Variants in MAST4 observed in about 807,000 individuals in gnomAD.
The protein encoded by MAST4 is microtubule associated serine/threonine kinase family member 4.
MAST4 carries 89 observed loss-of-function variants against 162.7 expected under a neutral mutation model. That is an observed-to-expected ratio of 0.55 (90% CI 0.46 to 0.65). The LOEUF (loss-of-function observed/expected upper bound fraction) is 0.65. Among genes scored for constraint, MAST4 ranks in the 30% least tolerant of loss-of-function variants. MAST4 has a pLI of 0.00. For missense variants in MAST4, 3,153 were observed against 3,374.0 expected (o/e 0.93, Z 1.62); for synonymous variants, 1,479 against 1,361.1 (o/e 1.09, Z -1.91).
chr5:67,126,940 C>T (rs546739847), intron 14 of MAST4, among the ~76,000 whole-genome samples: 1 of 152,262 alleles, frequency 6.6e-6, no homozygotes, highest in East Asian at 1.9e-4. Flanking sequence ...TTGTAGTTCT[C>T]CTTGAAGAGT....
intron 1 of MAST4, among the ~76,000 whole-genome samples, chr5:66,658,891 G>T (rs2149457530): frequency 1.3e-5 from 2 of 152,240 alleles, no homozygotes; most frequent in Middle Eastern, 3.4e-3. Flanking sequence ...GCATGGTGTT[G>T]CATGCCTGTA....
At chr5:66,818,712 T>C (rs1436741122) in intron 3 of MAST4, among the ~76,000 whole-genome samples, 1 of 152,228 alleles carries the variant, frequency 6.6e-6, no homozygotes, top group Non-Finnish European at 1.5e-5. Context: ...GCCCTTGGAT[T>C]GCTGCTGCAG....
chr5:66,869,249 G>A lies in MAST4; in HGVS notation c.643-30702G>A, dbSNP rs910539409. Among the ~76,000 whole-genome samples, 35 of 152,198 alleles carry A rather than the reference G, an allele frequency of 2.3e-4. 1 individual carries two copies. On this transcript the variant is annotated intron_variant, in intron 3 of 28. Transcript: ENST00000403625. ...CTGATAAACCATTAAGTTGAAAGGA[G>A]CACTTTCACATCAAACTAAATAAAT...
chr5:66,996,299 T>C (rs913488704), intron 4 of MAST4, among the ~76,000 whole-genome samples: 1 of 152,024 alleles, frequency 6.6e-6, no homozygotes, highest in Non-Finnish European at 1.5e-5. Context: ...TATATATATA[T>C]ACTTTGTTGA....
intron 3 of MAST4, among the ~76,000 whole-genome samples, chr5:66,872,955 C>A (rs1459883708): frequency 3.3e-5 from 5 of 152,148 alleles, no homozygotes; most frequent in African/African-American, 1.2e-4. Flanking sequence ...AAATACTGTG[C>A]CTCACCATGC....
At chr5:66,618,161 C>T (rs990975529) in intron 1 of MAST4, among the ~76,000 whole-genome samples, 7 of 152,172 alleles carry the variant, frequency 4.6e-5, no homozygotes, top group South Asian at 2.1e-4. Context: ...TCTTTACTGC[C>T]GAGTGCTCTT....
At chr5:66,786,110 C>A (rs931137801) in intron 2 of MAST4, among the ~76,000 whole-genome samples, 24 of 152,302 alleles carry the variant, frequency 1.6e-4, no homozygotes, top group Non-Finnish European at 2.6e-4. Context: ...CTCGAGGGAT[C>A]CGCTCACCTC....
At chr5:67,048,511 CAA>C (rs534239441) in intron 4 of MAST4, among the ~76,000 whole-genome samples, 142 of 152,010 alleles carry the variant, frequency 9.3e-4, no homozygotes, top group African/African-American at 2.9e-3. Context: ...AAAACAGGTT[CAA>C]AGAGATTTTT....
intron 3 of MAST4, among the ~76,000 whole-genome samples, chr5:66,816,064 A>C (rs1002486602): frequency 6.6e-6 from 1 of 152,204 alleles, no homozygotes; most frequent in Non-Finnish European, 1.5e-5. Flanking sequence ...GATTGAGGAA[A>C]AGTGCCCTGC....
intron 4 of MAST4, among the ~76,000 whole-genome samples, chr5:67,032,085 A>G (rs1439890878): frequency 6.6e-6 from 1 of 152,124 alleles, no homozygotes; most frequent in Non-Finnish European, 1.5e-5. Context: ...CATTTAATCT[A>G]TAGATTCTTT....
At chr5:67,054,208 T>G (rs931189441) in intron 4 of MAST4, among the ~76,000 whole-genome samples, 196 bp from the exon 5 acceptor site, 1 of 152,322 alleles carries the variant, frequency 6.6e-6, no homozygotes, top group East Asian at 1.9e-4. Context: ...GGTGTTGTGC[T>G]ATATGAATAC....
chr5:66,596,814 G>T lies in MAST4; in HGVS notation c.159G>T (p.Glu53Asp). 1.5e-6 allele frequency: 2 copies of T among 1,319,368 alleles called. No individual in the cohort carries two copies. The highest frequency in any genetic ancestry group is 2.4e-5 in the South Asian group (1 of 41,988). 81.7% of individuals were successfully genotyped at this position (1,319,368 alleles called of 1,614,324 possible). A position where few individuals can be genotyped will look rare whatever the true frequency, so the allele number is the denominator to read the frequency against. The change falls in exon 1 of 29, where the codon GAG becomes GAT. Residue 53 changes from glutamate (E) to aspartate (D), a missense_variant. Glu to Asp is a conservative substitution (Grantham distance 45, BLOSUM62 2). This residue lies in a region of MAST4 where 327 missense variants were observed against 336.5 expected (regional missense o/e 0.97). Coordinates refer to ENST00000403625, the MANE Select transcript of MAST4 (RefSeq NM_001164664.2). Reference sequence around the variant, plus strand: ...CAGAAACTCTGTCGGAGGAAGGGGAGCCCGGCGGCTTCTCCAGAGAGCATC... The same window carrying T: ...CAGAAACTCTGTCGGAGGAAGGGGATCCCGGCGGCTTCTCCAGAGAGCATC... ...SGSETLSEEG[E>D]PGGFSREHQP... is the part of the protein sequence containing the mutation.
chr5:66,635,500 C>T (rs1448274086), intron 1 of MAST4, among the ~76,000 whole-genome samples: 2 of 152,042 alleles, frequency 1.3e-5, no homozygotes, highest in African/African-American at 4.8e-5. Context: ...TTCAGAAAAA[C>T]AAGAAAGTTT....
chr5:66,852,573 T>C (rs372327034), intron 3 of MAST4, among the ~76,000 whole-genome samples: 313 of 152,312 alleles, frequency 2.1e-3, no homozygotes, highest in African/African-American at 7.2e-3. Context: ...TGTACCATGG[T>C]CTGGCCCTTT....
chr5:67,103,559 A>T (rs1765268432), intron 9 of MAST4, among the ~76,000 whole-genome samples: 2 of 152,196 alleles, frequency 1.3e-5, no homozygotes, highest in African/African-American at 4.8e-5. Context: ...ATATATAATT[A>T]ATGTAAGCAA....
At chr5:67,071,115 A>T (rs190697433) in intron 5 of MAST4, among the ~76,000 whole-genome samples, 5 of 152,316 alleles carry the variant, frequency 3.3e-5, no homozygotes, top group Admixed American at 3.3e-4. Context: ...ATCATTGAAG[A>T]CTTTGATAAG....
chr5:66,978,157 AAC>A (rs1412372234), intron 4 of MAST4, among the ~76,000 whole-genome samples: 1 of 152,370 alleles, frequency 6.6e-6, no homozygotes, highest in East Asian at 1.9e-4. Flanking sequence ...TGGTCACTTT[AAC>A]ACAGAACTAA....
intron 10 of MAST4, among the ~76,000 whole-genome samples, chr5:67,104,868 C>T (rs995267582): frequency 6.6e-6 from 1 of 152,092 alleles, no homozygotes; most frequent in African/African-American, 2.4e-5. Context: ...ATTTTTTCCC[C>T]CTTTAACCAT....
chr5:66,958,477 A>T (rs1319977375), intron 4 of MAST4, among the ~76,000 whole-genome samples: 1 of 152,230 alleles, frequency 6.6e-6, no homozygotes, highest in Non-Finnish European at 1.5e-5. Context: ...TTTGTAAAGT[A>T]TACAGCACTG....
Sources: gnomAD v4.1 joint callset for allele counts (sites outside exome capture counted in the v4.1 genomes callset) on GRCh38, gnomAD v4.1.1 for gene constraint, gnomAD v4.1.1 regional missense constraint, MANE v1.5 for transcripts, NCBI Gene and HGNC (gene_info 2026-07-23, HGNC 2026-07-21) for gene names.